CD99L2: variants seen among roughly 807,000 people sequenced by gnomAD.
CD99L2 encodes CD99 antigen-like protein 2.
CD99L2 carries 24 observed loss-of-function variants against 27.3 expected under a neutral mutation model. That is an observed-to-expected ratio of 0.88 (90% confidence interval 0.64 to 1.24). The LOEUF is 1.24. CD99L2 is among the 50% of genes most tolerant of loss of function. CD99L2 has a pLI of 0.00. For missense variants in CD99L2, 255 were observed against 221.6 expected (o/e 1.15, Z -0.96); for synonymous variants, 97 against 87.9 (o/e 1.10, Z -0.58).
chrX:150,782,931 AAC>A (rs782240733), intron 7 of CD99L2, among the ~76,000 whole-genome samples: 146 of 111,078 alleles, frequency 1.3e-3, no homozygotes, highest in Non-Finnish European at 2.3e-3. Context: ...AATGACTGTA[AAC>A]ACAGTGAAAA....
chrX:150,779,733 A>G (rs1396734289), intron 7 of CD99L2, among the ~76,000 whole-genome samples: 3 of 112,686 alleles, frequency 2.7e-5, no homozygotes, highest in Non-Finnish European at 5.6e-5. Flanking sequence ...GTAAAACTAA[A>G]GTGGATGAAG....
chrX:150,867,011 G>GT (rs199541136), intron 1 of CD99L2, among the ~76,000 whole-genome samples: 25 of 111,012 alleles, frequency 2.3e-4, no homozygotes, highest in African/African-American at 4.6e-4. Flanking sequence ...TCATCAGCCT[G>GT]TTTTTTTTGT....
chrX:150,774,764 T>A lies in CD99L2; in HGVS notation c.655+1410A>T, dbSNP rs782797005. Among the ~76,000 whole-genome samples the A allele has an allele frequency of 3.6e-5, 4 of 112,319 alleles. No individual in the cohort carries two copies. The Admixed American group carries it at 3.7e-4, about 11-fold the overall frequency. ...CTCTCGCCCAATGTCTCCTTCTAAA[T>A]ATCAGTGTCCAGGCAATTAGAAGGT... On this transcript the variant is annotated intron_variant, in intron 9 of 10. Coordinates refer to ENST00000370377, the MANE Select transcript of CD99L2 (RefSeq NM_031462.4).
chrX:150,798,571 A>T (rs1340391838), intron 4 of CD99L2, among the ~76,000 whole-genome samples: 1 of 111,662 alleles, frequency 9.0e-6, no homozygotes, highest in East Asian at 2.8e-4. Context: ...GGTGGCATGA[A>T]AAAAAGAAAT....
At chrX:150,804,567 G>C (rs990681424) in intron 4 of CD99L2, among the ~76,000 whole-genome samples, 1 of 110,818 alleles carries the variant, frequency 9.0e-6, no homozygotes, top group Non-Finnish European at 1.9e-5. Flanking sequence ...CAAGAGACCA[G>C]CCTGGCCAAC....
chrX:150,893,814 C>T (rs781785705), intron 1 of CD99L2, among the ~76,000 whole-genome samples: 3 of 109,914 alleles, frequency 2.7e-5, no homozygotes, highest in Non-Finnish European at 5.7e-5. Flanking sequence ...CTCCCGGATT[C>T]AAGAGATTCT....
intron 7 of CD99L2, among the ~76,000 whole-genome samples, chrX:150,789,528 G>A (rs2045653025): frequency 1.8e-5 from 2 of 111,457 alleles, no homozygotes; most frequent in Admixed American, 9.5e-5. Flanking sequence ...TCATAGTGTT[G>A]TTCATAGAAC....
At chrX:150,828,383 T>C (rs2046394385) in intron 2 of CD99L2, 2 of 111,458 alleles carry the variant, frequency 1.8e-5, no homozygotes, top group Non-Finnish European at 3.8e-5. Context: ...GAGGTAGGGC[T>C]TCTTATTATC....
At chrX:150,769,724 G>GAT (rs2043398193) in intron 10 of CD99L2, among the ~76,000 whole-genome samples, 3 of 106,380 alleles carry the variant, frequency 2.8e-5, no homozygotes, top group East Asian at 8.5e-4. Context: ...AAGCCTTTCC[G>GAT]GACCTCCTCA....
intron 1 of CD99L2, among the ~76,000 whole-genome samples, chrX:150,844,073 A>G (rs1603304524): frequency 1.8e-5 from 2 of 112,450 alleles, no homozygotes; most frequent in Non-Finnish European, 3.8e-5. Flanking sequence ...GGTTCAAGGA[A>G]TAACACTCAA....
intron 1 of CD99L2, among the ~76,000 whole-genome samples, chrX:150,885,839 TTA>T (rs1397097667): frequency 8.9e-6 from 1 of 112,632 alleles, no homozygotes; most frequent in African/African-American, 3.2e-5. Flanking sequence ...ATTTTGCTGT[TTA>T]TTCTTTTTCA....
chrX:150,776,167 C>T lies in CD99L2; in HGVS notation c.655+7G>A, dbSNP rs1420029581. On this transcript the variant is annotated splice_region_variant and intron_variant, in intron 9 of 10. Coordinates refer to ENST00000370377, the MANE Select transcript of CD99L2 (RefSeq NM_031462.4). ...GTTCCTAGCCACGAGTGGGTGGCTG[C>T]ACTTACGCTGAATGCTGAAGCAGAA... 5 of 1,208,564 alleles carry T rather than the reference C, an allele frequency of 4.1e-6. No homozygotes were observed. The highest frequency in any genetic ancestry group is 5.6e-6 in the Non-Finnish European group (5 of 894,468).
chrX:150,822,168 A>C (rs1332862243), intron 2 of CD99L2, among the ~76,000 whole-genome samples: 1 of 112,630 alleles, frequency 8.9e-6, no homozygotes, highest in Non-Finnish European at 1.9e-5. Flanking sequence ...ATGTCTACAC[A>C]ATGGAGTATT....
intron 7 of CD99L2, among the ~76,000 whole-genome samples, chrX:150,791,500 T>C (rs1194748480): frequency 9.1e-6 from 1 of 110,394 alleles, no homozygotes; most frequent in Non-Finnish European, 1.9e-5. Flanking sequence ...AAGGAGAAGG[T>C]GATCATCAAA....
At chrX:150,815,796 C>T (rs1480842101) in intron 3 of CD99L2, among the ~76,000 whole-genome samples, 6 of 112,166 alleles carry the variant, frequency 5.3e-5, no homozygotes, top group Admixed American at 4.7e-4. Context: ...TTGAAATTTT[C>T]CCAGGCAGGA....
intron 7 of CD99L2, among the ~76,000 whole-genome samples, 155 bp downstream of exon 7, chrX:150,793,536 T>G (rs1330177602): frequency 2.7e-5 from 3 of 112,443 alleles, no homozygotes; most frequent in Non-Finnish European, 5.6e-5. Context: ...CCCCTTGAAC[T>G]GCATGGCTCA....
intron 1 of CD99L2, among the ~76,000 whole-genome samples, chrX:150,853,069 C>T (rs2046817550): frequency 9.0e-6 from 1 of 111,288 alleles, no homozygotes; most frequent in Non-Finnish European, 1.9e-5. Flanking sequence ...CCCCTCTTGA[C>T]TCCCAGTCCT....
At position 150,768,690 on chromosome X, in the gene CD99L2, G is replaced by T; in HGVS notation, c.*344C>A. The T allele has an allele frequency of 4.0e-6, 1 of 249,874 alleles. No individual in the cohort carries two copies. The highest frequency in any genetic ancestry group is 7.0e-6 in the Non-Finnish European group (1 of 143,856). The allele number at this position is 249,874 out of a possible 1,213,427, so 20.6% of individuals were successfully genotyped here. On this transcript the variant is annotated 3_prime_UTR_variant, in exon 11 of 11. Coordinates refer to ENST00000370377, the MANE Select transcript of CD99L2 (RefSeq NM_031462.4). Reference sequence around the variant, plus strand: ...TTGAGTTCAAACTCTTGTCCCCTAAGCATAAATGTCATCAGGCCTCAGCAT... The same window carrying T: ...TTGAGTTCAAACTCTTGTCCCCTAATCATAAATGTCATCAGGCCTCAGCAT...
chrX:150,840,060 G>C lies in CD99L2; in HGVS notation c.68-8767C>G, dbSNP rs781960999. On this transcript the variant is annotated intron_variant, in intron 1 of 10. Coordinates refer to ENST00000370377, the MANE Select transcript of CD99L2 (RefSeq NM_031462.4). The stretch of plus-strand genomic sequence containing the variant: ...CTCAAAGAAAAAAAAAATTAGCTGG[G>C]CATGGAGGCACATGCTTGTACGCCC... Among the ~76,000 whole-genome samples the C allele has an allele frequency of 4.6e-5, 5 of 109,298 alleles. No homozygotes were observed. In the East Asian group the frequency reaches 1.5e-3, roughly 32 times the overall value. 94.9% of individuals were successfully genotyped at this position (109,298 alleles called of 115,157 possible). A position where few individuals can be genotyped will look rare whatever the true frequency, so the allele number is the denominator to read the frequency against.
Sources: gnomAD v4.1 joint callset for allele counts (sites outside exome capture counted in the v4.1 genomes callset) on GRCh38, gnomAD v4.1.1 for gene constraint, MANE v1.5 for transcripts, NCBI Gene and HGNC (gene_info 2026-07-23, HGNC 2026-07-21) for gene names.